Variants in EIF3G observed in about 807,000 individuals in gnomAD.
The protein encoded by EIF3G is eukaryotic translation initiation factor 3 RNA-binding subunit.
In EIF3G, 10 loss-of-function variants were observed where a neutral mutation model predicts 41.7. That is an observed-to-expected ratio of 0.24 (90% CI 0.15 to 0.41). The LOEUF (loss-of-function observed/expected upper bound fraction) is 0.41. EIF3G is among the 10% of genes least tolerant of loss of function. The pLI, the probability that EIF3G is intolerant of heterozygous loss-of-function variation, is 1.00. For missense variants in EIF3G, 297 were observed against 444.0 expected, an observed-to-expected ratio of 0.67 and a Z score of 2.98; for synonymous variants, 204 against 172.5, an observed-to-expected ratio of 1.18 and a Z score of -1.43.
chr19:10,119,286 G>A (rs1384115764), intron 2 of EIF3G, 115 bp from the exon 3 acceptor site: 1 of 1,203,290 alleles, frequency 8.3e-7, no homozygotes, highest in Admixed American at 2.0e-5. Flanking sequence ...GGCAGGCCAA[G>A]GGCAGAGGGC....
chr19:10,118,580 AAAG>A (rs1391350384), intron 5 of EIF3G, 85 bp downstream of exon 5: 11 of 1,375,632 alleles, frequency 8.0e-6, no homozygotes, highest in East Asian at 4.6e-5. Context: ...AAAAAAAAAA[AAAG>A]AGTTAAGCCC....
In EIF3G at chr19:10,119,072, GGCAGTCCTCACTCACCTC is replaced by G. The variant is rs773794368; in HGVS notation, c.149_151+15del. 2.9e-5 allele frequency: 43 copies of G among 1,491,518 alleles called. No homozygotes were observed. Among genetic ancestry groups the G allele is most frequent in the Non-Finnish European group, 3.5e-5 (39 of 1,116,670 alleles). The allele number at this position is 1,491,518 out of a possible 1,614,324, so 92.4% of individuals were successfully genotyped here. On this transcript the variant is annotated splice_donor_variant and splice_donor_5th_base_variant and coding_sequence_variant and intron_variant, in exon 3 of 11. Coordinates refer to ENST00000253108, the MANE Select transcript of EIF3G (RefSeq NM_003755.5). LOFTEE classifies it high-confidence loss of function. ...GAGTGGCAGTCCTCACTCACCTCCC[GGCAGTCCTCACTCACCTC>G]CCGGCAGTAGCTCTGGCTCTGGGCT...
rs901646461 is a variant in EIF3G at position 10,116,513 on chromosome 19, A to G, written c.595+287T>C. 3 of 510,612 alleles carry G rather than the reference A, an allele frequency of 5.9e-6. No homozygotes were observed. The highest frequency in any genetic ancestry group is 1.9e-5 in the African/African-American group (1 of 52,412). 31.6% of individuals were successfully genotyped at this position (510,612 alleles called of 1,614,324 possible). ...CATGCAACGGAGACACTATACACACAGTGCGCACACACGATGTGGGGTGGT... is the reference window on the plus strand; with the variant it reads ...CATGCAACGGAGACACTATACACACGGTGCGCACACACGATGTGGGGTGGT... On this transcript the variant is annotated intron_variant, in intron 7 of 10. Coordinates refer to ENST00000253108, the MANE Select transcript of EIF3G (RefSeq NM_003755.5). The surrounding 1 kb of genome is among the most constrained non-coding windows in gnomAD (Gnocchi z 4.1).
Position 10,118,698 on chromosome 19 carries a change from C to T in EIF3G, c.270G>A (p.Arg90=). 1.2e-6 allele frequency: 2 copies of T among 1,614,124 alleles called. No homozygotes were observed. The highest frequency in any genetic ancestry group is 1.7e-6 in the Non-Finnish European group (2 of 1,180,026). Residue 90 remains arginine, a synonymous_variant, in exon 5 of 11, where the codon CGG becomes CGA. Transcript: ENST00000253108. ...KIVRTFRIET[R]KASKAVARRK... is the part of the protein sequence containing the mutation. ...TCCTTGCGACAGCCTTTGAAGCCTT[C>T]CGGGTCTCAATCCTGAAGGTGCGGA...
rs775026238 is a variant in EIF3G at position 10,116,097 on chromosome 19, G to A, written c.596-23C>T. ...GCTCTGGGGACCAAAAGACAGTCAA[G>A]TTCAACCTCACTGTGGCGCAGGCGT... On this transcript the variant is annotated intron_variant, in intron 7 of 10. Transcript: ENST00000253108. This position sits in a 1 kb window ranked among gnomAD's most constrained non-coding sequence, Gnocchi z 4.1. The A allele has an allele frequency of 2.5e-6, 4 of 1,609,824 alleles. No homozygotes were observed. Among genetic ancestry groups the A allele is most frequent in the South Asian group, 2.2e-5 (2 of 90,556 alleles).
rs776634910 is a variant in EIF3G at position 10,115,535 on chromosome 19, A to G, written c.891T>C (p.Ile297=). The part of the protein sequence containing the change: ...FHRREDAARA[I]AGVSGFGYDH... ...CGTAGCCAAAGCCGGACACCCCGGC[A>G]ATGGCACGCGCAGCATCCTCGCGGC... The change falls in exon 10 of 11, where the codon ATT becomes ATC. Residue 297 remains isoleucine, a synonymous_variant. Coordinates refer to ENST00000253108, the MANE Select transcript of EIF3G (RefSeq NM_003755.5). 3.7e-6 allele frequency: 6 copies of G among 1,613,836 alleles called. No individual in the cohort carries two copies. The highest frequency in any genetic ancestry group is 5.1e-6 in the Non-Finnish European group (6 of 1,179,816).
rs751794843 is a variant in EIF3G at position 10,115,078 on chromosome 19, C to G, written c.*36G>C. The G allele has an allele frequency of 4.3e-6, 7 of 1,613,638 alleles. No individual in the cohort carries two copies. Among genetic ancestry groups the G allele is most frequent in the Non-Finnish European group, 5.9e-6 (7 of 1,179,966 alleles). On this transcript the variant is annotated 3_prime_UTR_variant, in exon 11 of 11. Coordinates refer to ENST00000253108, the MANE Select transcript of EIF3G (RefSeq NM_003755.5). Reference sequence around the variant, plus strand: ...GCTCTCGGAGGCTGTCTTCTGTCGCCAAGGGTCCCGGACCGAGTACACAGT... The same window carrying G: ...GCTCTCGGAGGCTGTCTTCTGTCGCGAAGGGTCCCGGACCGAGTACACAGT...
rs2089240887 is a variant in EIF3G, at chr19:10,115,987, G to T, written c.683C>A (p.Ser228Tyr). The T allele has an allele frequency of 1.2e-6, 2 of 1,613,600 alleles. No homozygotes were observed. Among genetic ancestry groups the T allele is most frequent in the Non-Finnish European group, 1.7e-6 (2 of 1,179,814 alleles). The change falls in exon 8 of 11, where the codon TCC becomes TAC. Residue 228 changes from serine (S) to tyrosine (Y), a missense_variant. By Grantham distance (144) the Ser-to-Tyr change is moderately radical. Coordinates refer to ENST00000253108, the MANE Select transcript of EIF3G (RefSeq NM_003755.5). ...LRDGASRRGE[S>Y]MQPNRRADDN... ...CTCACCTCTGCGGTTGGGCTGCATG[G>T]ACTCCCCGCGGCGGCTGGCCCCGTC...
At chr19:10,118,977 G>A in intron 3 of EIF3G, 21 bp from the exon 4 acceptor site, 4 of 1,614,052 alleles carry the variant, frequency 2.5e-6, no homozygotes, top group Non-Finnish European at 3.4e-6. Context: ...GGGAAAAACA[G>A]AGAAAGACTG....
At chr19:10,115,414 C>T in intron 10 of EIF3G, 65 bp downstream of exon 10, 2 of 1,528,826 alleles carry the variant, frequency 1.3e-6, no homozygotes, top group Non-Finnish European at 1.8e-6. Flanking sequence ...TTGGTTGGCC[C>T]AACACTCCGT....
At chr19:10,115,291 G>T in intron 10 of EIF3G, 162 bp from the exon 11 acceptor site, 1 of 1,129,066 alleles carries the variant, frequency 8.9e-7, no homozygotes. Flanking sequence ...TCCACGGACT[G>T]GCAGGGACCC....
At position 10,115,761 on chromosome 19, in the gene EIF3G, G is replaced by C. The variant is rs1655908421; in HGVS notation, c.763C>G (p.Leu255Val). 3.1e-6 allele frequency: 5 copies of C among 1,614,160 alleles called. No individual in the cohort carries two copies. Among genetic ancestry groups the C allele is most frequent in the Non-Finnish European group, 4.2e-6 (5 of 1,180,030 alleles). ...NLSEDTRETD[L>V]QELFRPFGSI... ...CCGAAAGGCCGGAAGAGCTCCTGCA[G>C]GTCGGTCTCACGCGTGTCCTCTGAC... The change falls in exon 9 of 11, where the codon CTG becomes GTG. Residue 255 changes from leucine to valine, a missense_variant. Around this residue, in one of 4 missense-constraint regions of EIF3G, gnomAD observed 91 missense variants for 170.5 expected, o/e 0.53. Transcript: ENST00000253108.
rs183361957 is a variant in EIF3G at position 10,119,574 on chromosome 19, C to T, written c.67+80G>A. On this transcript the variant is annotated intron_variant, in intron 2 of 10. Coordinates refer to ENST00000253108, the MANE Select transcript of EIF3G (RefSeq NM_003755.5). ...CAGACCGTGACGGGGTACACGGTGC[C>T]AGACTGGGAGATGGAAGCAGGCGGC... The T allele has an allele frequency of 8.2e-5, 124 of 1,506,474 alleles. 1 individual carries two copies. In the African/African-American group the frequency reaches 1.5e-3, roughly 18 times the overall value. 93.3% of individuals were successfully genotyped at this position (1,506,474 alleles called of 1,614,324 possible).
At chr19:10,115,191 C>T in intron 10 of EIF3G, 62 bp from the exon 11 acceptor site, 1 of 1,596,542 alleles carries the variant, frequency 6.3e-7, no homozygotes, top group Non-Finnish European at 8.5e-7. Context: ...CCCAGACACC[C>T]AAGTGGCATC....
chr19:10,119,001 G>A, intron 3 of EIF3G, 45 bp from the exon 4 acceptor site: 1 of 1,613,602 alleles, frequency 6.2e-7, no homozygotes, highest in East Asian at 2.2e-5. Context: ...CCTGGGTCAT[G>A]GGGATCAGGA....
In EIF3G at chr19:10,115,092, C is replaced by G. The variant is rs201130706; in HGVS notation, c.*22G>C. The G allele has an allele frequency of 5.0e-6, 8 of 1,613,810 alleles. No homozygotes were observed. The East Asian group carries it at 1.6e-4, about 31-fold the overall frequency. On this transcript the variant is annotated 3_prime_UTR_variant, in exon 11 of 11. Transcript: ENST00000253108. ...TCTTCTGTCGCCAAGGGTCCCGGAC[C>G]GAGTACACAGTGGCAGCTGGCTTAG... is the stretch of plus-strand genomic sequence containing the variant.
Position 10,116,135 on chromosome 19 carries a change from GC to G in EIF3G, c.596-62del, listed in dbSNP as rs571873740. 7.2e-5 allele frequency: 109 copies of G among 1,505,706 alleles called. No homozygotes were observed. In the African/African-American group the frequency reaches 1.3e-3, roughly 18 times the overall value. 93.3% of individuals were successfully genotyped at this position (1,505,706 alleles called of 1,614,324 possible). On this transcript the variant is annotated intron_variant, in intron 7 of 10. Transcript: ENST00000253108. This position sits in a 1 kb window ranked among gnomAD's most constrained non-coding sequence, Gnocchi z 4.1. ...GTGGCGCAGGCGTGGGGACAGAGCC[GC>G]CCCAGGAAGCTCGGGCTTCAGTGTT...
chr19:10,116,460 CA>C lies in EIF3G; in HGVS notation c.595+339del. The C allele has an allele frequency of 2.1e-6, 1 of 480,100 alleles. No individual in the cohort carries two copies. Among genetic ancestry groups the C allele is most frequent in the Middle Eastern group, 5.5e-4 (1 of 1,828 alleles). The allele number at this position is 480,100 out of a possible 1,614,324, so 29.7% of individuals were successfully genotyped here. A position where few individuals can be genotyped will look rare whatever the true frequency, so the allele number is the denominator to read the frequency against. ...CACACTCGCCACCAGCAAATCCCAC[CA>C]AAGAATTCGGACGGTACAGCCACAG... On this transcript the variant is annotated intron_variant, in intron 7 of 10. Coordinates refer to ENST00000253108, the MANE Select transcript of EIF3G (RefSeq NM_003755.5). This position sits in a 1 kb window ranked among gnomAD's most constrained non-coding sequence, Gnocchi z 4.1.
At position 10,118,721 on chromosome 19, in the gene EIF3G, G is replaced by C. The variant is rs145291485; in HGVS notation, c.247C>G (p.Arg83Gly). The C allele has an allele frequency of 3.1e-5, 50 of 1,613,904 alleles. No individual in the cohort carries two copies. The African/African-American group carries it at 6.5e-4, about 21-fold the overall frequency. ...TTCCGGGTCTCAATCCTGAAGGTGC[G>C]GACAATCTGAGGATGGGAGGGGAGA... ...DEDGKKFKIV[R>G]TFRIETRKAS... The change falls in exon 5 of 11, where the codon CGC (arginine) becomes GGC (glycine). Residue 83 changes from arginine (R) to glycine (G), a missense_variant. Transcript: ENST00000253108.
Sources: gnomAD v4.1 joint callset for allele counts on GRCh38, gnomAD v4.1.1 for gene constraint, gnomAD v4.1.1 regional missense constraint, Gnocchi (gnomAD v3.1) non-coding constraint, MANE v1.5 for transcripts, NCBI Gene and HGNC (gene_info 2026-07-23, HGNC 2026-07-21) for gene names.